The following ATXN7 variants were observed in gnomAD, a reference collection of about 807,000 sequenced individuals.
ATXN7 encodes the protein ataxin 7.
In ATXN7, 12 loss-of-function variants were observed where a neutral mutation model predicts 70.5. The observed-to-expected ratio is 0.17, with a 90% CI of 0.11 to 0.28. The LOEUF is 0.28. Ranked by LOEUF, ATXN7 falls within the 10% of genes least tolerant of loss-of-function variation. ATXN7 has a pLI of 1.00. For synonymous variants in ATXN7, 498 were observed against 448.7 expected, an observed-to-expected ratio of 1.11 and a Z score of -1.39; for missense variants, 1,256 against 1,131.7, an observed-to-expected ratio of 1.11 and a Z score of -1.58.
rs943023411 is a variant in ATXN7 at position 64,002,815 on chromosome 3, G to T, written c.*3348G>T. On this transcript the variant is annotated 3_prime_UTR_variant, in exon 13 of 13. Coordinates refer to ENST00000674280, the MANE Select transcript of ATXN7 (RefSeq NM_001377405.1). ...TTGCCTGGTGGCACCAAGGGTTACA[G>T]ATCTTTTTGTCAGCCAGCAACTTAC... is the stretch of plus-strand genomic sequence containing the variant. The T allele has an allele frequency of 3.9e-5, 6 of 152,114 alleles. No homozygotes were observed. The highest frequency in any genetic ancestry group is 1.4e-4 in the African/African-American group (6 of 41,424). The allele number at this position is 152,114 out of a possible 1,614,324, so 9.4% of individuals were successfully genotyped here. A position where few individuals can be genotyped will look rare whatever the true frequency, so the allele number is the denominator to read the frequency against.
intron 5 of ATXN7, among the ~76,000 whole-genome samples, chr3:63,960,844 T>G (rs1193571284): frequency 6.6e-6 from 1 of 151,272 alleles, no homozygotes; most frequent in African/African-American, 2.4e-5. Flanking sequence ...GATGCCAAGT[T>G]GGGGGTGGGG....
chr3:63,865,894 CAAA>C (rs34205947), intron 1 of ATXN7, among the ~76,000 whole-genome samples: 7 of 16,558 alleles, frequency 4.2e-4, no homozygotes, highest in Admixed American at 1.2e-3. Context: ...GACTCCATCT[CAAA>C]AAAAAAAAAA....
chr3:63,986,841 G>A (rs3774724), intron 8 of ATXN7, among the ~76,000 whole-genome samples: 4,103 of 152,270 alleles, frequency 0.027, 72 homozygotes, highest in South Asian at 0.073. Context: ...AGTCCCTAAA[G>A]TTGTACCAAC....
chr3:63,979,985 T>C lies in ATXN7; in HGVS notation c.570T>C (p.Pro190=), dbSNP rs2106752761. The C allele has an allele frequency of 6.2e-7, 1 of 1,614,200 alleles. No homozygotes were observed. Among genetic ancestry groups the C allele is most frequent in the Middle Eastern group, 1.6e-4 (1 of 6,062 alleles). ...CCACTTCAGTATTTTCCTTCTTCCC[T>C]TCTCTGTCCAAAAGCAAAGGAGGCA... is the stretch of plus-strand genomic sequence containing the variant. ...VPPTSVFSFF[P]SLSKSKGGSA... The change falls in exon 6 of 13, where the codon CCT becomes CCC. Residue 190 remains proline, a synonymous_variant. Transcript: ENST00000674280.
In ATXN7 at chr3:63,960,372, C is replaced by T. The variant is rs148458717; in HGVS notation, c.499+7889C>T. 2.8e-3 allele frequency among the ~76,000 whole-genome samples: 422 copies of T among 152,170 alleles called. 1 individual carries two copies. Among genetic ancestry groups the T allele is most frequent in the African/African-American group, 9.7e-3 (402 of 41,522 alleles). On this transcript the variant is annotated intron_variant, in intron 5 of 12. Transcript: ENST00000674280. ...CATGAGAAGAATCAGGATTGGACGG[C>T]GCAGGCAATGGGAAGTCGCTGGAGG...
At position 63,995,580 on chromosome 3, in the gene ATXN7, A is replaced by T. The variant is rs767090720; in HGVS notation, c.1758A>T (p.Thr586=). The part of the protein sequence containing the change: ...RIPHRTNSVP[T]SQCGVSYLAA... ...CTCACCGGACAAACTCTGTGCCGAC[A>T]TCACAATGTGGAGTCAGCTATCTGG... Residue 586 remains threonine (T), a synonymous_variant, in exon 12 of 13, where the codon ACA becomes ACT. Transcript: ENST00000674280. 6.2e-7 allele frequency: 1 copy of T among 1,614,180 alleles called. No individual in the cohort carries two copies. Among genetic ancestry groups the T allele is most frequent in the Non-Finnish European group, 8.5e-7 (1 of 1,180,014 alleles).
intron 5 of ATXN7, among the ~76,000 whole-genome samples, chr3:63,952,835 C>CTTTTT (rs59256288): frequency 0.011 from 562 of 49,138 alleles, 122 homozygotes; most frequent in African/African-American, 0.032. Flanking sequence ...ATGCATGGGC[C>CTTTTT]TTTTTTTTTT....
intron 4 of ATXN7, among the ~76,000 whole-genome samples, chr3:63,931,743 A>C (rs996107633): frequency 6.6e-5 from 10 of 152,086 alleles, no homozygotes; most frequent in Non-Finnish European, 1.5e-4. Context: ...TGAAACTTTT[A>C]CTTTAGGAAA....
intron 4 of ATXN7, among the ~76,000 whole-genome samples, chr3:63,927,134 G>A (rs908333282): frequency 6.6e-5 from 10 of 152,192 alleles, no homozygotes; most frequent in Admixed American, 5.2e-4. Flanking sequence ...ACGTGTACGT[G>A]TGCCTTTATA....
At chr3:63,919,040 A>G (rs1397003621) in intron 4 of ATXN7, among the ~76,000 whole-genome samples, 6 of 89,596 alleles carry the variant, frequency 6.7e-5, no homozygotes, top group South Asian at 2.9e-4. Flanking sequence ...AGACCCAGAA[A>G]GACCCTCCTG....
At chr3:63,935,725 C>T (rs1003465828) in intron 4 of ATXN7, among the ~76,000 whole-genome samples, 2 of 152,050 alleles carry the variant, frequency 1.3e-5, no homozygotes, top group East Asian at 1.9e-4. Context: ...ACAAACAGTA[C>T]AGTCTTTCAC....
chr3:63,863,629 G>A, upstream of ATXN7: 5 of 1,203,848 alleles, frequency 4.2e-6, no homozygotes, highest in Non-Finnish European at 2.1e-6. Context: ...GGGCTCCGGG[G>A]AGAGGTCGGG....
At chr3:63,918,176 AAAAC>A (rs141763850) in intron 4 of ATXN7, among the ~76,000 whole-genome samples, 7,867 of 152,062 alleles carry the variant, frequency 0.052, 239 homozygotes, top group Admixed American at 0.068. Flanking sequence ...ACTAGAGTTC[AAAAC>A]AAACAAACAA....
In ATXN7 at chr3:63,990,273, G is replaced by A. The variant is rs752912727; in HGVS notation, c.1459G>A (p.Ala487Thr). The A allele has an allele frequency of 1.3e-5, 21 of 1,614,126 alleles. 1 individual carries two copies. In the South Asian group the frequency reaches 2.1e-4, roughly 16 times the overall value. ...CCCTCCCCTGCCTGCCACTGAGCCAGCTTCTCGGTTATCCAGTGAGGAGGG... is the reference window on the plus strand; with the variant it reads ...CCCTCCCCTGCCTGCCACTGAGCCAACTTCTCGGTTATCCAGTGAGGAGGG... ...PHPPLPATEP[A>T]SRLSSEEGEG... is the part of the protein sequence containing the mutation. The change falls in exon 10 of 13, where the codon GCT becomes ACT. Residue 487 changes from alanine to threonine, a missense_variant. Ala to Thr is a moderately conservative substitution (Grantham distance 58). Coordinates refer to ENST00000674280, the MANE Select transcript of ATXN7 (RefSeq NM_001377405.1).
chr3:63,886,805 G>A (rs1312503541), intron 1 of ATXN7, among the ~76,000 whole-genome samples: 1 of 152,166 alleles, frequency 6.6e-6, no homozygotes, highest in East Asian at 1.9e-4. Flanking sequence ...GTCTTATTAT[G>A]GTGTAAAGTG....
intron 4 of ATXN7, among the ~76,000 whole-genome samples, chr3:63,942,644 A>G (rs1439794237): frequency 6.6e-6 from 1 of 152,220 alleles, no homozygotes; most frequent in East Asian, 1.9e-4. Context: ...TACTTAATAC[A>G]TAGTGTTACA....
chr3:63,899,850 T>G (rs2107265839), intron 2 of ATXN7, among the ~76,000 whole-genome samples: 1 of 152,100 alleles, frequency 6.6e-6, no homozygotes, highest in African/African-American at 2.4e-5. Flanking sequence ...ATCTCCTGAC[T>G]TCGCGATCTG....
rs770877170 is a variant in ATXN7 at position 63,995,981 on chromosome 3, C to T, written c.2159C>T (p.Ser720Phe). ...SSPLLVHSSSSSSSSSSSSHS... is the reference protein window; with the variant it reads ...SSPLLVHSSSFSSSSSSSSHS... ...CCACTGTTGGTTCACTCTTCCTCCT[C>T]CTCTTCCTCCTCCTCCTCTTCTTCT... Residue 720 changes from serine (S) to phenylalanine (F), a missense_variant, in exon 12 of 13, where the codon TCC (serine) becomes TTC (phenylalanine). Coordinates refer to ENST00000674280, the MANE Select transcript of ATXN7 (RefSeq NM_001377405.1). 3 of 1,613,748 alleles carry T rather than the reference C, an allele frequency of 1.9e-6. No homozygotes were observed. Among genetic ancestry groups the T allele is most frequent in the East Asian group, 2.2e-5 (1 of 44,874 alleles).
Position 63,997,212 on chromosome 3 carries a change from C to G in ATXN7, c.2661+729C>G, listed in dbSNP as rs1361829739. Among the ~76,000 whole-genome samples the G allele has an allele frequency of 2.0e-5, 3 of 152,046 alleles. 1 individual carries two copies. The highest frequency in any genetic ancestry group is 1.5e-5 in the Non-Finnish European group (1 of 68,014). On this transcript the variant is annotated intron_variant, in intron 12 of 12. Transcript: ENST00000674280. ...GGCGGAAGTTGCAGTGAGCCAAGAT[C>G]GCGCCACTGCACTCCATCCGGCCTA...
Sources: allele counts gnomAD v4.1 joint callset (sites outside exome capture counted in the v4.1 genomes callset), GRCh38; gene constraint gnomAD v4.1.1; transcripts MANE v1.5; gene names NCBI Gene and HGNC (gene_info 2026-07-23, HGNC 2026-07-21).